Variants in CCDC178 observed in about 807,000 individuals in gnomAD.
The protein encoded by CCDC178 is coiled-coil domain containing 178.
A neutral mutation model predicts 117.4 loss-of-function variants in CCDC178; 126 were observed. The ratio of observed to expected loss-of-function variants is 1.07; its 90% CI spans 0.93 to 1.24. CCDC178 has a LOEUF of 1.24. Among genes scored for constraint, CCDC178 ranks in the 50% most tolerant of loss-of-function variants. The pLI is 0.00. For synonymous variants in CCDC178, 283 were observed against 313.4 expected (o/e 0.90, Z 1.02); for missense variants, 1,030 against 986.9 (o/e 1.04, Z -0.59).
chr18:33,030,602 A>G (rs1455936687), intron 21 of CCDC178, among the ~76,000 whole-genome samples: 1 of 151,826 alleles, frequency 6.6e-6, no homozygotes, highest in Non-Finnish European at 1.5e-5. Context: ...AGAGAATTTA[A>G]TGGGGAATTG....
intron 21 of CCDC178, among the ~76,000 whole-genome samples, chr18:33,090,608 C>T (rs1459484030): frequency 2.6e-5 from 4 of 152,172 alleles, no homozygotes; most frequent in Non-Finnish European, 5.9e-5. Flanking sequence ...TAATGACATA[C>T]GATTTCTCAC....
intron 21 of CCDC178, among the ~76,000 whole-genome samples, chr18:33,014,465 G>C (rs2055937524): frequency 6.6e-6 from 1 of 152,176 alleles, no homozygotes; most frequent in Admixed American, 6.5e-5. Flanking sequence ...AAGGGTCTTT[G>C]AAAATCTCTG....
intron 21 of CCDC178, among the ~76,000 whole-genome samples, chr18:33,042,895 G>C (rs560844788): frequency 6.6e-6 from 1 of 151,810 alleles, no homozygotes; most frequent in African/African-American, 2.4e-5. Flanking sequence ...AATATGATTC[G>C]CAGATTTAAG....
chr18:33,104,265 C>T (rs1455784880), intron 20 of CCDC178, among the ~76,000 whole-genome samples: 1 of 151,522 alleles, frequency 6.6e-6, no homozygotes, highest in African/African-American at 2.4e-5. Context: ...TCTAGAAATC[C>T]AATTCTGTAA....
At chr18:33,024,007 G>T (rs1018161222) in intron 21 of CCDC178, among the ~76,000 whole-genome samples, 1 of 152,062 alleles carries the variant, frequency 6.6e-6, no homozygotes, top group Non-Finnish European at 1.5e-5. Flanking sequence ...GAAATTAACC[G>T]TTCCTCAAAA....
intron 6 of CCDC178, among the ~76,000 whole-genome samples, chr18:33,364,732 C>CTTTTTT (rs34988094): frequency 2.7e-5 from 3 of 110,822 alleles, no homozygotes; most frequent in Non-Finnish European, 3.8e-5. Flanking sequence ...GTTGTCGCTC[C>CTTTTTT]TTTTTTTTTT....
Position 33,092,813 on chromosome 18 carries a change from T to A in CCDC178, c.2336A>T (p.Asn779Ile). The change falls in exon 21 of 23, where the codon AAT becomes ATT. Residue 779 changes from asparagine to isoleucine, a missense_variant. Transcript: ENST00000383096. ...TFLKEKDNYF[N>I]IYDKQLSLDT... ...AAGTGATAGCTGTTTATCATATATA[T>A]TGAAATAATTGTCCTTTTCTTTTAA... The A allele has an allele frequency of 6.4e-7, 1 of 1,553,696 alleles. No homozygotes were observed. Among genetic ancestry groups the A allele is most frequent in the Middle Eastern group, 1.8e-4 (1 of 5,706 alleles).
intron 22 of CCDC178, among the ~76,000 whole-genome samples, chr18:32,968,870 G>A (rs893905780): frequency 1.2e-4 from 18 of 151,894 alleles, no homozygotes; most frequent in Admixed American, 1.1e-3. Flanking sequence ...TTAAATTTCT[G>A]TTGTGGTTTT....
At chr18:33,060,897 T>G (rs1405428682) in intron 21 of CCDC178, among the ~76,000 whole-genome samples, 1 of 152,114 alleles carries the variant, frequency 6.6e-6, no homozygotes, top group African/African-American at 2.4e-5. Context: ...TTTCCCTTAT[T>G]AAACCCATAA....
chr18:33,405,374 A>G (rs1179425893), intron 3 of CCDC178, among the ~76,000 whole-genome samples: 1 of 151,760 alleles, frequency 6.6e-6, no homozygotes, highest in Admixed American at 6.6e-5. Context: ...TAGGCATGTC[A>G]TATTTTTTGT....
chr18:32,940,377 G>A (rs1484982228), intron 22 of CCDC178, among the ~76,000 whole-genome samples: 1 of 151,868 alleles, frequency 6.6e-6, no homozygotes, highest in Non-Finnish European at 1.5e-5. Flanking sequence ...TCGTAATGCA[G>A]ATATTAGATC....
rs565270404 is a variant in CCDC178 at position 33,400,573 on chromosome 18, T to C, written c.59-3365A>G. On this transcript the variant is annotated intron_variant, in intron 3 of 22. Transcript: ENST00000383096. ...ACTTCATGAACCAACTTCTGCAAGC[T>C]TCCAACTTTCCCTCTGCAGCTTCTT... Among the ~76,000 whole-genome samples, 32 of 152,254 alleles carry C rather than the reference T, an allele frequency of 2.1e-4. 1 individual carries two copies. The South Asian group carries it at 6.6e-3, about 32-fold the overall frequency.
intron 15 of CCDC178, among the ~76,000 whole-genome samples, chr18:33,234,368 G>C (rs1356177041): frequency 6.6e-6 from 1 of 151,962 alleles, no homozygotes; most frequent in African/African-American, 2.4e-5. Context: ...TTTTGGCAAA[G>C]TATTCTGCCT....
rs2054350637 is a variant in CCDC178 at position 32,946,454 on chromosome 18, A to G, written c.2524-8363T>C. On this transcript the variant is annotated intron_variant, in intron 22 of 22. Coordinates refer to ENST00000383096, the MANE Select transcript of CCDC178 (RefSeq NM_001105528.4). ...ATTTAGACCTAAAAGTATCAAGACTATGAATGAAATATATGGTTATTACAG... is the reference window on the plus strand; with the variant it reads ...ATTTAGACCTAAAAGTATCAAGACTGTGAATGAAATATATGGTTATTACAG... 2.0e-5 allele frequency among the ~76,000 whole-genome samples: 3 copies of G among 152,330 alleles called. No individual in the cohort carries two copies. The South Asian group carries it at 6.2e-4, about 32-fold the overall frequency.
chr18:33,093,061 G>A (rs2057492063), intron 20 of CCDC178, 151 bp from the exon 21 acceptor site: 4 of 453,126 alleles, frequency 8.8e-6, no homozygotes, highest in Non-Finnish European at 1.1e-5. Context: ...ACCAAAAAAT[G>A]TTTCTCCTGA....
At position 33,234,037 on chromosome 18, in the gene CCDC178, T is replaced by A. The variant is rs1408243420; in HGVS notation, c.1594-7182A>T. On this transcript the variant is annotated intron_variant, in intron 15 of 22. Coordinates refer to ENST00000383096, the MANE Select transcript of CCDC178 (RefSeq NM_001105528.4). ...TGGAGAAGGAAATTATGTTCCCATA[T>A]GATATTTATAGCAAGCTAAATAAAG... is the stretch of plus-strand genomic sequence containing the variant. Among the ~76,000 whole-genome samples, 5 of 152,166 alleles carry A rather than the reference T, an allele frequency of 3.3e-5. No homozygotes were observed. In the East Asian group the frequency reaches 9.6e-4, roughly 29 times the overall value.
chr18:33,041,854 C>T (rs2056556038), intron 21 of CCDC178, among the ~76,000 whole-genome samples: 1 of 151,494 alleles, frequency 6.6e-6, no homozygotes, highest in South Asian at 2.1e-4. Context: ...ACCCAAGAAG[C>T]TCAATGAAGA....
chr18:33,096,587 TA>T (rs1416819852), intron 20 of CCDC178, among the ~76,000 whole-genome samples: 1 of 151,798 alleles, frequency 6.6e-6, no homozygotes, highest in Non-Finnish European at 1.5e-5. Flanking sequence ...TAACTGAATG[TA>T]AGATATTAAC....
At chr18:33,054,643 TACC>T (rs947345593) in intron 21 of CCDC178, among the ~76,000 whole-genome samples, 1 of 152,262 alleles carries the variant, frequency 6.6e-6, no homozygotes, top group African/African-American at 2.4e-5. Flanking sequence ...GGTATATATG[TACC>T]ACATTTTCTT....
Sources: gnomAD v4.1 joint callset for allele counts (sites outside exome capture counted in the v4.1 genomes callset) on GRCh38, gnomAD v4.1.1 for gene constraint, MANE v1.5 for transcripts, NCBI Gene and HGNC (gene_info 2026-07-23, HGNC 2026-07-21) for gene names.